Variants in CLOCK observed in about 807,000 individuals in gnomAD.
CLOCK encodes circadian locomoter output cycles protein kaput.
In CLOCK, 43 loss-of-function variants were observed where a neutral mutation model predicts 118.4. That is an observed-to-expected ratio of 0.36 (90% CI 0.28 to 0.47). The LOEUF (loss-of-function observed/expected upper bound fraction) is 0.47, where lower values mean the gene tolerates loss of function less well. Ranked by LOEUF, CLOCK falls within the 20% of genes least tolerant of loss-of-function variation. The pLI is 1.00. For missense variants in CLOCK, 846 were observed against 999.9 expected (o/e 0.85, Z 2.08); for synonymous variants, 326 against 339.2 (o/e 0.96, Z 0.43).
chr4:55,454,633 A>AAAAT (rs1468803248), intron 13 of CLOCK, among the ~76,000 whole-genome samples: 22 of 150,090 alleles, frequency 1.5e-4, no homozygotes, highest in African/African-American at 5.3e-4. Flanking sequence ...AAAAAAAAAA[A>AAAAT]AAAAAGGGTT....
At chr4:55,508,679 G>A (rs912301605) in intron 2 of CLOCK, among the ~76,000 whole-genome samples, 1 of 150,992 alleles carries the variant, frequency 6.6e-6, no homozygotes, top group African/African-American at 2.4e-5. Context: ...TGCAAGCGCC[G>A]ACTCCCGGGT....
chr4:55,496,060 G>T (rs1172231121), intron 2 of CLOCK, among the ~76,000 whole-genome samples: 1 of 151,914 alleles, frequency 6.6e-6, no homozygotes, highest in Admixed American at 6.6e-5. Context: ...GTGGTGGCAG[G>T]CGCCTGTAAT....
rs1322516255 is a variant in CLOCK at position 55,449,423 on chromosome 4, C to A, written c.1422G>T (p.Val474=). Residue 474 remains valine (V), a synonymous_variant, in exon 17 of 23, where the codon GTG becomes GTT. Transcript: ENST00000513440. ...RQHLPAHEKM[V]QRRSSFSSQS... ...GACTACTAAATGATGACCTTCTTTG[C>A]ACCATCTTCTCATGAGCTGGTAAAT... is the stretch of plus-strand genomic sequence containing the variant. 6.2e-7 allele frequency: 1 copy of A among 1,613,952 alleles called. No homozygotes were observed. The highest frequency in any genetic ancestry group is 8.5e-7 in the Non-Finnish European group (1 of 1,179,894).
At chr4:55,512,888 A>G (rs1433626969) in intron 1 of CLOCK, among the ~76,000 whole-genome samples, 1 of 152,224 alleles carries the variant, frequency 6.6e-6, no homozygotes, top group Non-Finnish European at 1.5e-5. Context: ...TGCATTAACA[A>G]TGTTTCAGGA....
intron 3 of CLOCK, chr4:55,486,482 G>C (rs375125459): frequency 6.6e-6 from 1 of 152,096 alleles, no homozygotes; most frequent in African/African-American, 2.4e-5. Flanking sequence ...CCTGTTACTT[G>C]TATCCTATGC....
At chr4:55,435,669 C>T in intron 22 of CLOCK, 75 bp from the exon 23 acceptor site, 1 of 1,457,684 alleles carries the variant, frequency 6.9e-7, no homozygotes, top group Non-Finnish European at 9.6e-7. Context: ...TCACACTCTC[C>T]CCTGTCCATA....
intron 1 of CLOCK, chr4:55,540,517 G>A (rs1335509454): frequency 6.6e-6 from 1 of 152,072 alleles, no homozygotes; most frequent in Non-Finnish European, 1.5e-5. Context: ...CCCCATGTGT[G>A]CTTTTTAATT....
chr4:55,447,090 G>T (rs753758793), intron 18 of CLOCK, among the ~76,000 whole-genome samples: 2 of 151,700 alleles, frequency 1.3e-5, no homozygotes, highest in African/African-American at 4.8e-5. Context: ...ATTATGGCCG[G>T]GCATGGTGGC....
chr4:55,459,182 T>C lies in CLOCK; in HGVS notation c.639A>G (p.Val213=). The C allele has an allele frequency of 1.2e-6, 2 of 1,605,250 alleles. No homozygotes were observed. Among genetic ancestry groups the C allele is most frequent in the Non-Finnish European group, 8.5e-7 (1 of 1,171,960 alleles). The change falls in exon 10 of 23, where the codon GTA becomes GTG. Residue 213 remains valine (V), a synonymous_variant. Coordinates refer to ENST00000513440, the MANE Select transcript of CLOCK (RefSeq NM_004898.4). ...DPKEPSTYEY[V]KFIGNFKSLN... ...AAGATTTGAAATTTCCTATAAATTTTACATATTCATAGGTAGATGGCTCCT... is the reference window on the plus strand; with the variant it reads ...AAGATTTGAAATTTCCTATAAATTTCACATATTCATAGGTAGATGGCTCCT...
intron 1 of CLOCK, among the ~76,000 whole-genome samples, chr4:55,543,118 A>G (rs1269924289): frequency 2.6e-5 from 4 of 152,098 alleles, no homozygotes; most frequent in Non-Finnish European, 5.9e-5. Flanking sequence ...AGGTCTCACT[A>G]TGTTGCCCAG....
At chr4:55,479,736 C>T in intron 4 of CLOCK, 37 bp from the exon 5 acceptor site, 1 of 1,496,224 alleles carries the variant, frequency 6.7e-7, no homozygotes, top group Non-Finnish European at 9.3e-7. Flanking sequence ...AGAGCAGACT[C>T]ACTAAGCAAC....
chr4:55,510,653 A>G (rs1271285867), intron 1 of CLOCK, among the ~76,000 whole-genome samples: 1 of 144,562 alleles, frequency 6.9e-6, no homozygotes, highest in East Asian at 2.1e-4. Context: ...AAAAAAAAAA[A>G]GGTTTCCCTA....
chr4:55,464,510 A>G (rs913441368), intron 8 of CLOCK, among the ~76,000 whole-genome samples: 3 of 152,198 alleles, frequency 2.0e-5, no homozygotes, highest in African/African-American at 7.2e-5. Context: ...GCCACTACGC[A>G]TTCTACCTGG....
intron 2 of CLOCK, among the ~76,000 whole-genome samples, chr4:55,495,018 AC>A (rs2109965603): frequency 6.6e-6 from 1 of 152,126 alleles, no homozygotes; most frequent in East Asian, 1.9e-4. Context: ...CTCTCGATAA[AC>A]CTGGCTCTCA....
intron 3 of CLOCK, among the ~76,000 whole-genome samples, chr4:55,483,333 C>T (rs769724992): frequency 6.6e-6 from 1 of 152,104 alleles, no homozygotes; most frequent in Non-Finnish European, 1.5e-5. Context: ...AATGCTATCA[C>T]TGGGCAAGGA....
In CLOCK at chr4:55,428,599, C is replaced by T. The variant is rs1273991590; in HGVS notation, c.*6816G>A. ...CTCAAGATCAATTAGCCGTTTTTAG[C>T]TCCACCGTTTTGGAAGTAAAAATGA... On this transcript the variant is annotated 3_prime_UTR_variant, in exon 23 of 23. Coordinates refer to ENST00000513440, the MANE Select transcript of CLOCK (RefSeq NM_004898.4). 3 of 152,074 alleles carry T rather than the reference C, an allele frequency of 2.0e-5. No individual in the cohort carries two copies. Among genetic ancestry groups the T allele is most frequent in the Non-Finnish European group, 4.4e-5 (3 of 68,010 alleles). 9.4% of individuals were successfully genotyped at this position (152,074 alleles called of 1,614,324 possible).
At chr4:55,544,030 G>A (rs369415943) in intron 1 of CLOCK, among the ~76,000 whole-genome samples, 3 of 152,070 alleles carry the variant, frequency 2.0e-5, no homozygotes, top group East Asian at 3.9e-4. Flanking sequence ...GTCACCAGGG[G>A]GAGTTTGAGG....
intron 19 of CLOCK, 52 bp from the exon 20 acceptor site, chr4:55,443,948 A>G: frequency 6.5e-7 from 1 of 1,532,184 alleles, no homozygotes; most frequent in Non-Finnish European, 8.9e-7. Context: ...GAAAAGAAGA[A>G]TGAGCATTAA....
chr4:55,455,194 T>C (rs923431178), intron 13 of CLOCK, among the ~76,000 whole-genome samples: 2 of 152,124 alleles, frequency 1.3e-5, no homozygotes, highest in African/African-American at 4.8e-5. Flanking sequence ...AAATAAAACA[T>C]ATCATTAAGG....
Sources: allele counts gnomAD v4.1 joint callset (sites outside exome capture counted in the v4.1 genomes callset), GRCh38; gene constraint gnomAD v4.1.1; transcripts MANE v1.5; gene names NCBI Gene and HGNC (gene_info 2026-07-23, HGNC 2026-07-21).